AGAP1: variants seen among roughly 807,000 people sequenced by gnomAD.
The protein encoded by AGAP1 is arf-GAP with GTPase, ANK repeat and PH domain-containing protein 1.
In AGAP1, 29 loss-of-function variants were observed where a neutral mutation model predicts 105.3. The ratio of observed to expected loss-of-function variants is 0.28; its 90% confidence interval spans 0.21 to 0.38. The LOEUF is 0.38. Ranked by LOEUF, AGAP1 falls within the 10% of genes least tolerant of loss-of-function variation. The pLI is 1.00. For synonymous variants in AGAP1, 509 were observed against 485.9 expected (o/e 1.05, Z -0.63); for missense variants, 998 against 1,165.1 (o/e 0.86, Z 2.09).
rs1311095582 is a variant in AGAP1, at chr2:235,957,024, A to G, written c.1484-11438A>G. Among the ~76,000 whole-genome samples the G allele has an allele frequency of 6.6e-6, 1 of 152,242 alleles. No homozygotes were observed. Among genetic ancestry groups the G allele is most frequent in the Non-Finnish European group, 1.5e-5 (1 of 68,046 alleles). ...ACAGCTTTATTCAGATAAAAATCAC[A>G]TAACACACTTCTCCCATTTAACAGG... is the stretch of plus-strand genomic sequence containing the variant. On this transcript the variant is annotated intron_variant, in intron 12 of 17. Transcript: ENST00000304032. The surrounding 1 kb of genome is among the most constrained non-coding windows in gnomAD (Gnocchi z 4.6).
At position 235,578,110 on chromosome 2, in the gene AGAP1, T is replaced by C. The variant is rs143843995; in HGVS notation, c.163+83261T>C. Among the ~76,000 whole-genome samples, 394 of 152,168 alleles carry C rather than the reference T, an allele frequency of 2.6e-3. 2 individuals carry two copies. Among genetic ancestry groups the C allele is most frequent in the African/African-American group, 8.9e-3 (371 of 41,524 alleles). ...CGTGATTGGGAGCAGAGACAAGAGT[T>C]CCAGGGCGAGCCTCAGTTCTGGGAC... On this transcript the variant is annotated intron_variant, in intron 1 of 17. Transcript: ENST00000304032. This position sits in a 1 kb window ranked among gnomAD's most constrained non-coding sequence, Gnocchi z 4.9.
In AGAP1 at chr2:235,741,739, T is replaced by C. The variant is rs562223266; in HGVS notation, c.396+691T>C. 8.6e-4 allele frequency among the ~76,000 whole-genome samples: 130 copies of C among 150,836 alleles called. 1 individual carries two copies. Among genetic ancestry groups the C allele is most frequent in the African/African-American group, 3.0e-3 (125 of 41,014 alleles). ...TTGTTGTTGTTGTTATTATTATTAT[T>C]GTTATTTTTTATTATTTATTTATTT... On this transcript the variant is annotated intron_variant, in intron 4 of 17. Transcript: ENST00000304032. This position sits in a 1 kb window ranked among gnomAD's most constrained non-coding sequence, Gnocchi z 4.9.
intron 1 of AGAP1, chr2:235,670,369 G>T (rs2149356588): frequency 1.8e-6 from 1 of 541,402 alleles, no homozygotes; most frequent in Non-Finnish European, 3.3e-6. Context: ...CGCGCGCTTG[G>T]GATTTCCGCA....
In AGAP1 at chr2:236,000,018, C is replaced by T. The variant is rs371201844; in HGVS notation, c.1645+31395C>T. 1.7e-4 allele frequency among the ~76,000 whole-genome samples: 26 copies of T among 152,200 alleles called. 1 individual carries two copies. The South Asian group carries it at 3.9e-3, about 23-fold the overall frequency. On this transcript the variant is annotated intron_variant, in intron 13 of 17. Coordinates refer to ENST00000304032, the MANE Select transcript of AGAP1 (RefSeq NM_001037131.3). The surrounding 1 kb of genome is among the most constrained non-coding windows in gnomAD (Gnocchi z 4.3). Reference sequence around the variant, plus strand: ...CTTCTAATGACTGTCAGAAAGAATACGTGAAGGCCAGCTTCTAGACCAGTG... The same window carrying T: ...CTTCTAATGACTGTCAGAAAGAATATGTGAAGGCCAGCTTCTAGACCAGTG...
At chr2:236,057,406 G>C (rs2058079750) in intron 16 of AGAP1, among the ~76,000 whole-genome samples, 1 of 152,170 alleles carries the variant, frequency 6.6e-6, no homozygotes, top group Non-Finnish European at 1.5e-5. Context: ...ACTGTGCCTG[G>C]CCAAAACTCG....
intron 4 of AGAP1, among the ~76,000 whole-genome samples, chr2:235,743,788 T>A (rs919569731): frequency 1.3e-5 from 2 of 152,200 alleles, no homozygotes; most frequent in Non-Finnish European, 2.9e-5. Flanking sequence ...GGATTTCGGT[T>A]TTGTTTTTCA....
rs1953768171 is a variant in AGAP1, at chr2:235,754,716, C to T, written c.673+4228C>T. On this transcript the variant is annotated intron_variant, in intron 6 of 17. Coordinates refer to ENST00000304032, the MANE Select transcript of AGAP1 (RefSeq NM_001037131.3). The surrounding 1 kb of genome is among the most constrained non-coding windows in gnomAD (Gnocchi z 4.6). ...AAGCAGCCTAGCAGGCTGGTTCATCCACCCAGTCACTCGTTCATCTGAGCA... is the reference window on the plus strand; with the variant it reads ...AAGCAGCCTAGCAGGCTGGTTCATCTACCCAGTCACTCGTTCATCTGAGCA... Among the ~76,000 whole-genome samples, 2 of 152,220 alleles carry T rather than the reference C, an allele frequency of 1.3e-5. No individual in the cohort carries two copies. Among genetic ancestry groups the T allele is most frequent in the East Asian group, 3.8e-4 (2 of 5,204 alleles).
At position 236,053,440 on chromosome 2, in the gene AGAP1, G is replaced by A. The variant is rs1576181056; in HGVS notation, c.2114+4159G>A. Among the ~76,000 whole-genome samples the A allele has an allele frequency of 6.6e-6, 1 of 152,160 alleles. No individual in the cohort carries two copies. The highest frequency in any genetic ancestry group is 6.5e-5 in the Admixed American group (1 of 15,282). On this transcript the variant is annotated intron_variant, in intron 16 of 17. Coordinates refer to ENST00000304032, the MANE Select transcript of AGAP1 (RefSeq NM_001037131.3). This position sits in a 1 kb window ranked among gnomAD's most constrained non-coding sequence, Gnocchi z 4.6. ...CGTCCACGCACATCCTCTCTCCCTCGCGGTACAGCAGTGTTTCCGGGGCTG... is the reference window on the plus strand; with the variant it reads ...CGTCCACGCACATCCTCTCTCCCTCACGGTACAGCAGTGTTTCCGGGGCTG...
intron 6 of AGAP1, among the ~76,000 whole-genome samples, chr2:235,778,258 C>T (rs1431918004): frequency 6.6e-6 from 1 of 152,218 alleles, no homozygotes; most frequent in Non-Finnish European, 1.5e-5. Context: ...GCCCTGGCCC[C>T]AGCCACCATC....
Position 235,882,324 on chromosome 2 carries a change from G to A in AGAP1, c.1051-1021G>A. 1 of 913,780 alleles carries A rather than the reference G, an allele frequency of 1.1e-6. No homozygotes were observed. Among genetic ancestry groups the A allele is most frequent in the Admixed American group, 2.2e-5 (1 of 45,760 alleles). 56.6% of individuals were successfully genotyped at this position (913,780 alleles called of 1,614,324 possible). On this transcript the variant is annotated intron_variant, in intron 9 of 17. Coordinates refer to ENST00000304032, the MANE Select transcript of AGAP1 (RefSeq NM_001037131.3). The surrounding 1 kb of genome is among the most constrained non-coding windows in gnomAD (Gnocchi z 4.6). ...GCTCTTCCTCCACATCACAACTGGGGTCTTAAGGATGACGAGGGCAGGAAA... is the reference window on the plus strand; with the variant it reads ...GCTCTTCCTCCACATCACAACTGGGATCTTAAGGATGACGAGGGCAGGAAA...
chr2:236,085,796 G>A (rs1313783053), intron 16 of AGAP1, among the ~76,000 whole-genome samples: 5 of 152,220 alleles, frequency 3.3e-5, no homozygotes, highest in South Asian at 2.1e-4. Context: ...TCCATGGGCC[G>A]CCTCAGGATG....
chr2:235,713,249 G>T (rs1950939493), intron 2 of AGAP1, among the ~76,000 whole-genome samples: 2 of 152,232 alleles, frequency 1.3e-5, no homozygotes, highest in African/African-American at 4.8e-5. Context: ...GCATGAAGCT[G>T]ACATGAAGCG....
rs55990003 is a variant in AGAP1, at chr2:235,651,184, C to CAAA, written c.164-57964_164-57962dup. Among the ~76,000 whole-genome samples the CAAA allele has an allele frequency of 2.4e-3, 129 of 54,140 alleles. 11 individuals carry two copies. Among genetic ancestry groups the CAAA allele is most frequent in the East Asian group, 8.4e-3 (5 of 594 alleles). The allele number at this position is 54,140 out of a possible 152,430, so 35.5% of individuals were successfully genotyped here. A position where few individuals can be genotyped will look rare whatever the true frequency, so the allele number is the denominator to read the frequency against. The stretch of plus-strand genomic sequence containing the variant: ...AGAGTGACAGAGTGAAACTCCATCT[C>CAAA]AAAAAAAAAAAAAAAAAAAAAAAAA... On this transcript the variant is annotated intron_variant, in intron 1 of 17. Transcript: ENST00000304032.
intron 9 of AGAP1, among the ~76,000 whole-genome samples, chr2:235,869,361 G>A (rs540652950): frequency 7.2e-6 from 1 of 139,694 alleles, no homozygotes; most frequent in East Asian, 2.3e-4. Flanking sequence ...GAGGCAGGTG[G>A]ATCACAAGGT....
At chr2:236,074,143 G>C (rs998142739) in intron 16 of AGAP1, among the ~76,000 whole-genome samples, 4 of 152,134 alleles carry the variant, frequency 2.6e-5, no homozygotes, top group African/African-American at 9.7e-5. Flanking sequence ...TGACTCTGAG[G>C]AGCAGCTTGA....
intron 9 of AGAP1, chr2:235,853,096 T>C: frequency 8.1e-6 from 10 of 1,228,504 alleles, no homozygotes; most frequent in African/African-American, 1.5e-5. Context: ...GCGTTTACGC[T>C]CTTTCTTTGA....
rs1224449154 is a variant in AGAP1 at position 235,635,431 on chromosome 2, AT to A, written c.164-73746del. On this transcript the variant is annotated intron_variant, in intron 1 of 17. Transcript: ENST00000304032. This position sits in a 1 kb window ranked among gnomAD's most constrained non-coding sequence, Gnocchi z 5.3. Reference sequence around the variant, plus strand: ...GTAATAAGCCCTCCTAGGAAAACAAATTACTCTGAAAATTTGTCATTTTGGT... The same window carrying A: ...GTAATAAGCCCTCCTAGGAAAACAAATACTCTGAAAATTTGTCATTTTGGT... Among the ~76,000 whole-genome samples the A allele has an allele frequency of 3.3e-5, 5 of 152,130 alleles. No individual in the cohort carries two copies. Among genetic ancestry groups the A allele is most frequent in the Admixed American group, 6.6e-5 (1 of 15,266 alleles).
chr2:235,554,814 C>T (rs1011713063), intron 1 of AGAP1, among the ~76,000 whole-genome samples: 4 of 152,086 alleles, frequency 2.6e-5, no homozygotes, highest in South Asian at 2.1e-4. Flanking sequence ...GGATTACAGG[C>T]GCCTGCCACC....
chr2:235,771,470 G>A (rs912856278), intron 6 of AGAP1, among the ~76,000 whole-genome samples: 1 of 152,316 alleles, frequency 6.6e-6, no homozygotes, highest in Middle Eastern at 3.4e-3. Flanking sequence ...AAGGCATGTG[G>A]GCGTGCAAAG....
Sources: gnomAD v4.1 joint callset for allele counts (sites outside exome capture counted in the v4.1 genomes callset) on GRCh38, gnomAD v4.1.1 for gene constraint, Gnocchi (gnomAD v3.1) non-coding constraint, MANE v1.5 for transcripts, NCBI Gene and HGNC (gene_info 2026-07-23, HGNC 2026-07-21) for gene names.